FAM83D: variants seen among roughly 807,000 people sequenced by gnomAD.
The protein encoded by FAM83D is protein FAM83D.
Under a neutral mutation model 25.4 loss-of-function variants are expected in FAM83D, and 26 were observed. That is an observed-to-expected ratio of 1.02 (90% CI 0.75 to 1.42). The LOEUF is 1.42. Among genes scored for constraint, FAM83D ranks in the 40% most tolerant of loss-of-function variants. The pLI, the probability that FAM83D is intolerant of heterozygous loss-of-function variation, is 0.00. For synonymous variants in FAM83D, 310 were observed against 318.5 expected (o/e 0.97, Z 0.28); for missense variants, 740 against 758.1 (o/e 0.98, Z 0.28).
In FAM83D at chr20:38,942,206, C is replaced by T. The variant is rs767578014; in HGVS notation, c.651+80C>T. The T allele has an allele frequency of 2.2e-5, 33 of 1,481,398 alleles. No individual in the cohort carries two copies. The Middle Eastern group carries it at 6.8e-4, about 31-fold the overall frequency. 91.8% of individuals were successfully genotyped at this position (1,481,398 alleles called of 1,614,324 possible). On this transcript the variant is annotated intron_variant, in intron 2 of 3. Coordinates refer to ENST00000619850, the MANE Select transcript of FAM83D (RefSeq NM_030919.3). ...CCATTATCTACAAGCTGGCTGGTGG[C>T]GGTATCCCTGTTTACAAGGAAGGGA... is the stretch of plus-strand genomic sequence containing the variant.
Position 38,942,865 on chromosome 20 carries a change from G to T in FAM83D, c.651+739G>T, listed in dbSNP as rs1454118881. Among the ~76,000 whole-genome samples the T allele has an allele frequency of 2.0e-5, 3 of 152,220 alleles. No homozygotes were observed. The East Asian group carries it at 5.8e-4, about 29-fold the overall frequency. ...AAGACCTTGGCCTCTCCCCTGTACT[G>T]TCCTGCCTCTTAATAGAGCCTGGAC... On this transcript the variant is annotated intron_variant, in intron 2 of 3. Transcript: ENST00000619850.
intron 1 of FAM83D, 81 bp downstream of exon 1, chr20:38,927,006 C>G: frequency 7.2e-7 from 1 of 1,398,424 alleles, no homozygotes. Context: ...GGAGTACGGG[C>G]CGGGGCCACT....
Position 38,942,039 on chromosome 20 carries a change from T to C in FAM83D, c.564T>C (p.Val188=). ...AAGAAATATGCAGGAAACAGGGAGT[T>C]GCTGTGTATATCCTTCTGGACCAGG... ...DLQEICRKQG[V]AVYILLDQAL... is the part of the protein sequence containing the mutation. Residue 188 remains valine (V), a synonymous_variant, in exon 2 of 4, where the codon GTT becomes GTC. Coordinates refer to ENST00000619850, the MANE Select transcript of FAM83D (RefSeq NM_030919.3). 1 of 1,614,238 alleles carries C rather than the reference T, an allele frequency of 6.2e-7. No homozygotes were observed. The highest frequency in any genetic ancestry group is 1.1e-5 in the South Asian group (1 of 91,084).
Position 38,937,832 on chromosome 20 carries a change from C to T in FAM83D, c.484-4127C>T, listed in dbSNP as rs1457824963. 2.0e-5 allele frequency among the ~76,000 whole-genome samples: 3 copies of T among 152,008 alleles called. No homozygotes were observed. The East Asian group carries it at 5.8e-4, about 29-fold the overall frequency. ...AATTAGCCAGGTGTGGTGGCGTGTG[C>T]CTGTAGTCCCAGCTACTTGGAAGGC... On this transcript the variant is annotated intron_variant, in intron 1 of 3. Coordinates refer to ENST00000619850, the MANE Select transcript of FAM83D (RefSeq NM_030919.3).
chr20:38,941,913 GGT>G (rs1431793816), intron 1 of FAM83D, 44 bp from the exon 2 acceptor site: 1 of 1,597,196 alleles, frequency 6.3e-7, no homozygotes, highest in East Asian at 2.2e-5. Flanking sequence ...GCTGTAAGGT[GGT>G]GTCCTATAAG....
In FAM83D at chr20:38,947,866, C is replaced by T. The variant is rs747605082; in HGVS notation, c.652-10C>T. 3 of 1,613,510 alleles carry T rather than the reference C, an allele frequency of 1.9e-6. No homozygotes were observed. The East Asian group carries it at 6.7e-5, about 36-fold the overall frequency. ...TGTTCATTTATATTTCTCCCACTCC[C>T]TGCCAACAGTTAATGACAGTTCGGA... On this transcript the variant is annotated splice_polypyrimidine_tract_variant and intron_variant, in intron 2 of 3. Transcript: ENST00000619850.
Position 38,952,364 on chromosome 20 carries a change from C to T in FAM83D, c.1602C>T (p.His534=). The T allele has an allele frequency of 6.2e-7, 1 of 1,614,216 alleles. No homozygotes were observed. The highest frequency in any genetic ancestry group is 8.5e-7 in the Non-Finnish European group (1 of 1,180,050). The part of the protein sequence containing the change: ...LRNLNKERQF[H]FAGIRSRLNH... ...ACTTGAACAAAGAGCGGCAATTCCA[C>T]TTCGCTGGTATCAGGTCCCGGCTCA... The change falls in exon 4 of 4, where the codon CAC becomes CAT. Residue 534 remains histidine, a synonymous_variant. Coordinates refer to ENST00000619850, the MANE Select transcript of FAM83D (RefSeq NM_030919.3).
chr20:38,932,949 G>A (rs1251445067), intron 1 of FAM83D, among the ~76,000 whole-genome samples: 1 of 152,190 alleles, frequency 6.6e-6, no homozygotes, highest in Non-Finnish European at 1.5e-5. Context: ...AGGAGGAGTA[G>A]CAGCTTAGGA....
rs561476503 is a variant in FAM83D, at chr20:38,942,897, C to T, written c.651+771C>T. 1.5e-3 allele frequency among the ~76,000 whole-genome samples: 223 copies of T among 152,312 alleles called. No individual in the cohort carries two copies. The South Asian group carries it at 0.016, about 11-fold the overall frequency. ...CTCTTAATAGAGCCTGGACCAGCTCCCTTGTTGAAGGCCTGAAGGCCACCC... is the reference window on the plus strand; with the variant it reads ...CTCTTAATAGAGCCTGGACCAGCTCTCTTGTTGAAGGCCTGAAGGCCACCC... On this transcript the variant is annotated intron_variant, in intron 2 of 3. Transcript: ENST00000619850.
At position 38,926,652 on chromosome 20, in the gene FAM83D, C is replaced by A; in HGVS notation, c.210C>A (p.Arg70=). ...CCGATGAGGTGCACGCCATTCTGCG[C>A]GCGGCGGAGAGGCCGGGAGAGGAGG... The part of the protein sequence containing the change: ...LNPDEVHAIL[R]AAERPGEEGA... The change falls in exon 1 of 4, where the codon CGC becomes CGA. Residue 70 remains arginine (R), a synonymous_variant. Transcript: ENST00000619850. The A allele has an allele frequency of 1.3e-6, 2 of 1,536,222 alleles. No homozygotes were observed. Among genetic ancestry groups the A allele is most frequent in the Non-Finnish European group, 1.7e-6 (2 of 1,146,762 alleles).
intron 1 of FAM83D, among the ~76,000 whole-genome samples, chr20:38,936,434 A>G (rs779270739): frequency 2.6e-5 from 4 of 152,048 alleles, no homozygotes; most frequent in Non-Finnish European, 5.9e-5. Flanking sequence ...AGTAGCTGCC[A>G]TTTAAGGGCT....
At chr20:38,935,090 T>C (rs1398977498) in intron 1 of FAM83D, among the ~76,000 whole-genome samples, 4 of 152,042 alleles carry the variant, frequency 2.6e-5, no homozygotes, top group Admixed American at 6.6e-5. Flanking sequence ...TGGAAGAATA[T>C]ACAAAAAACT....
Position 38,952,611 on chromosome 20 carries a change from C to G in FAM83D, c.*91C>G. Reference sequence around the variant, plus strand: ...AAAAAATATCTTATGTCCCTAATTGCCTTTCTTTTACCTGACTTTGTCACC... The same window carrying G: ...AAAAAATATCTTATGTCCCTAATTGGCTTTCTTTTACCTGACTTTGTCACC... On this transcript the variant is annotated 3_prime_UTR_variant, in exon 4 of 4. Coordinates refer to ENST00000619850, the MANE Select transcript of FAM83D (RefSeq NM_030919.3). The G allele has an allele frequency of 7.1e-7, 1 of 1,406,304 alleles. No homozygotes were observed. Among genetic ancestry groups the G allele is most frequent in the African/African-American group, 1.4e-5 (1 of 69,656 alleles). 87.1% of individuals were successfully genotyped at this position (1,406,304 alleles called of 1,614,324 possible).
Position 38,941,969 on chromosome 20 carries a change from T to A in FAM83D, c.494T>A (p.Val165Glu). ...CTGTTTCACCTGTAGGTGATTGCAG[T>A]GGTCATGGACGTGTTCACAGACATC... ...QLRSAREVIAVVMDVFTDIDI... is the reference protein window; with the variant it reads ...QLRSAREVIAEVMDVFTDIDI... Residue 165 changes from valine to glutamate, a missense_variant, in exon 2 of 4, where the codon GTG (valine) becomes GAG (glutamate). Physicochemically the swap from Val to Glu is moderately radical, Grantham distance 121 (BLOSUM62 -2). Around this residue, in one of 3 missense-constraint regions of FAM83D, gnomAD observed 333 missense variants for 298.6 expected, o/e 1.12. Transcript: ENST00000619850. The A allele has an allele frequency of 6.2e-7, 1 of 1,613,948 alleles. No homozygotes were observed. The highest frequency in any genetic ancestry group is 8.5e-7 in the Non-Finnish European group (1 of 1,180,038).
chr20:38,945,549 A>G (rs1190908082), intron 2 of FAM83D, among the ~76,000 whole-genome samples: 2 of 152,224 alleles, frequency 1.3e-5, no homozygotes, highest in Admixed American at 1.3e-4. Flanking sequence ...TAAACTTGAT[A>G]TCAATACTAT....
chr20:38,947,873 C>G lies in FAM83D; in HGVS notation c.652-3C>G, dbSNP rs1420353033. 6.2e-7 allele frequency: 1 copy of G among 1,613,038 alleles called. No individual in the cohort carries two copies. Among genetic ancestry groups the G allele is most frequent in the South Asian group, 1.1e-5 (1 of 90,874 alleles). ...TTATATTTCTCCCACTCCCTGCCAA[C>G]AGTTAATGACAGTTCGGACTATCAC... On this transcript the variant is annotated splice_polypyrimidine_tract_variant and splice_region_variant and intron_variant, in intron 2 of 3. Transcript: ENST00000619850.
chr20:38,951,812 G>T lies in FAM83D; in HGVS notation c.1050G>T (p.Met350Ile), dbSNP rs776130144. ...GGAAGGCGGACCTGGACCCAGAGAT[G>T]CCCGCAGAGGGCAAGGCAGAGCGCA... ...TPRKADLDPE[M>I]PAEGKAERKP... Residue 350 changes from methionine (M) to isoleucine (I), a missense_variant, in exon 4 of 4, where the codon ATG becomes ATT. This residue lies in a region of FAM83D where 375 missense variants were observed against 403.2 expected (regional missense o/e 0.93). Transcript: ENST00000619850. 1.2e-6 allele frequency: 2 copies of T among 1,614,104 alleles called. No individual in the cohort carries two copies. Among genetic ancestry groups the T allele is most frequent in the Non-Finnish European group, 1.7e-6 (2 of 1,180,046 alleles).
chr20:38,942,241 T>A, intron 2 of FAM83D, 115 bp downstream of exon 2: 2 of 1,134,272 alleles, frequency 1.8e-6, no homozygotes, highest in Non-Finnish European at 2.6e-6. Flanking sequence ...ACTGAGGCTG[T>A]GAGCAAAGTC....
At chr20:38,947,181 G>T (rs990353135) in intron 2 of FAM83D, among the ~76,000 whole-genome samples, 1 of 152,212 alleles carries the variant, frequency 6.6e-6, no homozygotes, top group African/African-American at 2.4e-5. Flanking sequence ...ATACATTTAT[G>T]TGTGTCATTT....
Sources: gnomAD v4.1 joint callset for allele counts (sites outside exome capture counted in the v4.1 genomes callset) on GRCh38, gnomAD v4.1.1 for gene constraint, gnomAD v4.1.1 regional missense constraint, MANE v1.5 for transcripts, NCBI Gene and HGNC (gene_info 2026-07-23, HGNC 2026-07-21) for gene names.